The following CADM2 variants were observed in gnomAD, a reference collection of about 807,000 sequenced individuals.
CADM2 encodes the protein immunoglobulin superfamily member 4D.
A neutral mutation model predicts 49.8 loss-of-function variants in CADM2; 12 were observed. The observed-to-expected ratio is 0.24, with a 90% CI of 0.15 to 0.39. The LOEUF is 0.39. CADM2 is among the 10% of genes least tolerant of loss of function. CADM2 has a pLI of 1.00. For synonymous variants in CADM2, 214 were observed against 175.4 expected (o/e 1.22, Z -1.74); for missense variants, 378 against 492.3 (o/e 0.77, Z 2.20).
At chr3:85,178,294 A>G (rs939137210) in intron 1 of CADM2, among the ~76,000 whole-genome samples, 1 of 151,888 alleles carries the variant, frequency 6.6e-6, no homozygotes, top group African/African-American at 2.4e-5. Context: ...ATTTTATTGA[A>G]TTTTTATAAT....
At chr3:85,296,117 A>G (rs1311313491) in intron 1 of CADM2, among the ~76,000 whole-genome samples, 3 of 152,048 alleles carry the variant, frequency 2.0e-5, no homozygotes, top group Non-Finnish European at 4.4e-5. Context: ...GAAGATGTCA[A>G]ATATTTTTTA....
intron 1 of CADM2, among the ~76,000 whole-genome samples, chr3:85,345,087 G>A (rs1406638292): frequency 6.6e-6 from 1 of 151,922 alleles, no homozygotes; most frequent in Non-Finnish European, 1.5e-5. Context: ...AGGCCGAGGT[G>A]AGTGGATCAC....
At chr3:85,684,579 G>T (rs1303351558) in intron 1 of CADM2, among the ~76,000 whole-genome samples, 1 of 152,084 alleles carries the variant, frequency 6.6e-6, no homozygotes, top group African/African-American at 2.4e-5. Flanking sequence ...CCCGAGACTG[G>T]GTAATTTATA....
intron 8 of CADM2, among the ~76,000 whole-genome samples, chr3:85,966,536 A>C (rs1052695362): frequency 6.6e-6 from 1 of 151,690 alleles, no homozygotes; most frequent in Non-Finnish European, 1.5e-5. Flanking sequence ...ATTTAGAATG[A>C]AATTGCCCAC....
chr3:85,682,215 AGTG>A (rs1231135803), intron 1 of CADM2, among the ~76,000 whole-genome samples: 8 of 152,138 alleles, frequency 5.3e-5, no homozygotes, highest in African/African-American at 1.9e-4. Flanking sequence ...AGAATAATAA[AGTG>A]GTGAAATATT....
At chr3:85,296,958 T>G (rs757951790) in intron 1 of CADM2, among the ~76,000 whole-genome samples, 1 of 152,126 alleles carries the variant, frequency 6.6e-6, no homozygotes, top group Non-Finnish European at 1.5e-5. Context: ...TTTATTGGGT[T>G]CTTTCCCAGG....
chr3:85,088,053 A>G (rs1253495854), intron 1 of CADM2, among the ~76,000 whole-genome samples: 1 of 152,210 alleles, frequency 6.6e-6, no homozygotes, highest in East Asian at 1.9e-4. Flanking sequence ...ATAAAACAAA[A>G]GCCTGAGGAC....
chr3:85,219,635 A>T (rs1018254609), intron 1 of CADM2, among the ~76,000 whole-genome samples: 13 of 152,178 alleles, frequency 8.5e-5, no homozygotes, highest in African/African-American at 2.9e-4. Context: ...TAGTCATTAG[A>T]CAAAAAAGTG....
chr3:85,184,176 GA>G (rs1454159072), intron 1 of CADM2, among the ~76,000 whole-genome samples: 4 of 151,654 alleles, frequency 2.6e-5, no homozygotes, highest in Non-Finnish European at 4.4e-5. Context: ...GATAATAAAT[GA>G]AAAAAAATTG....
At chr3:85,063,551 CTT>C (rs2036415204) in intron 1 of CADM2, among the ~76,000 whole-genome samples, 1 of 151,796 alleles carries the variant, frequency 6.6e-6, no homozygotes, top group Non-Finnish European at 1.5e-5. Context: ...ACAGGATAAA[CTT>C]ATAAAATTTG....
chr3:85,736,613 C>T (rs2068149800), intron 2 of CADM2, among the ~76,000 whole-genome samples: 1 of 152,030 alleles, frequency 6.6e-6, no homozygotes, highest in Non-Finnish European at 1.5e-5. Flanking sequence ...TTGATATTTA[C>T]AGGGTTTTCT....
intron 8 of CADM2, among the ~76,000 whole-genome samples, chr3:86,041,297 A>G (rs1385756445): frequency 2.0e-5 from 3 of 152,220 alleles, no homozygotes; most frequent in Non-Finnish European, 2.9e-5. Context: ...AAATTGGATA[A>G]AGAGTCAAGA....
chr3:84,987,027 G>C (rs971732393), intron 1 of CADM2, among the ~76,000 whole-genome samples: 2 of 151,690 alleles, frequency 1.3e-5, no homozygotes, highest in Non-Finnish European at 2.9e-5. Flanking sequence ...ACTCCAGCCT[G>C]GGCAACAAGA....
chr3:85,065,044 AAAT>A (rs1389651322), intron 1 of CADM2, among the ~76,000 whole-genome samples: 1 of 152,110 alleles, frequency 6.6e-6, no homozygotes, highest in African/African-American at 2.4e-5. Context: ...TTTTAAAATA[AAAT>A]AATATCACAC....
intron 1 of CADM2, among the ~76,000 whole-genome samples, chr3:85,084,804 T>G (rs2037308435): frequency 1.3e-5 from 2 of 152,142 alleles, no homozygotes; most frequent in African/African-American, 4.8e-5. Flanking sequence ...ACAATGTATT[T>G]TAGGTATAAA....
At chr3:85,252,896 C>T (rs1379813445) in intron 1 of CADM2, among the ~76,000 whole-genome samples, 1 of 151,974 alleles carries the variant, frequency 6.6e-6, no homozygotes, top group East Asian at 1.9e-4. Context: ...TGTAAAATTC[C>T]TATAAAGCTT....
At chr3:85,240,771 T>C (rs2042513802) in intron 1 of CADM2, among the ~76,000 whole-genome samples, 1 of 151,590 alleles carries the variant, frequency 6.6e-6, no homozygotes, top group Non-Finnish European at 1.5e-5. Flanking sequence ...AGCAAGGATT[T>C]GCTTGGATGA....
intron 1 of CADM2, among the ~76,000 whole-genome samples, chr3:85,368,047 C>A (rs1017933038): frequency 2.0e-5 from 3 of 152,048 alleles, no homozygotes; most frequent in African/African-American, 7.2e-5. Context: ...TAATTTATTA[C>A]ACACAAAAAT....
At chr3:85,959,545 C>A (rs1384576112) in intron 7 of CADM2, among the ~76,000 whole-genome samples, 2 of 151,818 alleles carry the variant, frequency 1.3e-5, no homozygotes, top group African/African-American at 4.8e-5. Flanking sequence ...AAAGATTCTC[C>A]TATCATGCCC....
Sources: gnomAD v4.1 joint callset for allele counts (sites outside exome capture counted in the v4.1 genomes callset) on GRCh38, gnomAD v4.1.1 for gene constraint, MANE v1.5 for transcripts, NCBI Gene and HGNC (gene_info 2026-07-23, HGNC 2026-07-21) for gene names.